INPP4B: variants seen among roughly 807,000 people sequenced by gnomAD.
The protein encoded by INPP4B is inositol polyphosphate 4-phosphatase type II.
Under a neutral mutation model 122.5 loss-of-function variants are expected in INPP4B, and 55 were observed. The observed-to-expected ratio is 0.45, with a 90% CI of 0.36 to 0.56. The LOEUF (loss-of-function observed/expected upper bound fraction) is 0.56, where lower values mean the gene tolerates loss of function less well. Among genes scored for constraint, INPP4B ranks in the 20% least tolerant of loss-of-function variants. The pLI is 0.00. For missense variants in INPP4B, 1,000 were observed against 1,097.7 expected (o/e 0.91, Z 1.26); for synonymous variants, 403 against 388.7 (o/e 1.04, Z -0.43).
chr4:142,585,610 G>A (rs1735988999), intron 2 of INPP4B, among the ~76,000 whole-genome samples: 1 of 152,098 alleles, frequency 6.6e-6, no homozygotes, highest in South Asian at 2.1e-4. Context: ...AACTGTTGGA[G>A]GAAGTCCAGC....
At chr4:142,588,138 A>C (rs545253581) in intron 2 of INPP4B, among the ~76,000 whole-genome samples, 24 of 152,064 alleles carry the variant, frequency 1.6e-4, no homozygotes, top group Middle Eastern at 6.8e-3. Flanking sequence ...AACTCTCAGC[A>C]GAGTAGTAAC....
intron 21 of INPP4B, among the ~76,000 whole-genome samples, chr4:142,119,108 G>A (rs1379357963): frequency 1.3e-5 from 2 of 152,086 alleles, no homozygotes; most frequent in Non-Finnish European, 2.9e-5. Context: ...ACCATCTCAA[G>A]CCAGTTAGAA....
intron 2 of INPP4B, among the ~76,000 whole-genome samples, chr4:142,652,829 C>A (rs913493903): frequency 2.0e-5 from 3 of 152,144 alleles, no homozygotes; most frequent in Non-Finnish European, 2.9e-5. Flanking sequence ...ATCAAGCTAC[C>A]AATGACTTTC....
intron 5 of INPP4B, among the ~76,000 whole-genome samples, chr4:142,407,002 A>G (rs547828527): frequency 2.6e-5 from 4 of 152,242 alleles, no homozygotes; most frequent in African/African-American, 7.2e-5. Context: ...ACCCACCGCC[A>G]CACCACGATT....
At chr4:142,374,481 G>A (rs1791096203) in intron 7 of INPP4B, among the ~76,000 whole-genome samples, 1 of 151,852 alleles carries the variant, frequency 6.6e-6, no homozygotes, top group South Asian at 2.1e-4. Flanking sequence ...TTTCCATATT[G>A]CAAATTTTTG....
At chr4:142,706,942 GAAAC>G (rs1316637920) in intron 2 of INPP4B, among the ~76,000 whole-genome samples, 1 of 152,140 alleles carries the variant, frequency 6.6e-6, no homozygotes, top group Non-Finnish European at 1.5e-5. Flanking sequence ...AAAATAACAG[GAAAC>G]AAACAAAACA....
At chr4:142,624,101 G>A (rs558027826) in intron 2 of INPP4B, among the ~76,000 whole-genome samples, 4 of 150,944 alleles carry the variant, frequency 2.6e-5, no homozygotes, top group Admixed American at 6.6e-5. Flanking sequence ...GGATGGCTGG[G>A]TCAAATGGTA....
chr4:142,215,892 CAAAAAAAAAAAAAAAAAAAAAAAAAAAA>C (rs200657873), intron 12 of INPP4B, among the ~76,000 whole-genome samples: 1,564 of 54,612 alleles, frequency 0.029, 39 homozygotes, highest in Middle Eastern at 0.057. Flanking sequence ...GACTCTGTCT[CAAAAAAAAAAAAAAAAAAAAAAAAAAAA>C]AAAAAAAAAA....
chr4:142,434,868 C>T (rs1810087866), intron 3 of INPP4B, among the ~76,000 whole-genome samples: 1 of 151,864 alleles, frequency 6.6e-6, no homozygotes, highest in African/African-American at 2.4e-5. Context: ...ACCTAAAATG[C>T]ACTACCAGAT....
At chr4:142,207,113 T>G (rs1413666865) in intron 14 of INPP4B, among the ~76,000 whole-genome samples, 1 of 152,170 alleles carries the variant, frequency 6.6e-6, no homozygotes, top group East Asian at 1.9e-4. Flanking sequence ...TCATCCATGT[T>G]GTCTCAAATG....
At chr4:142,190,211 T>TG (rs1835171366) in intron 15 of INPP4B, among the ~76,000 whole-genome samples, 1 of 147,442 alleles carries the variant, frequency 6.8e-6, no homozygotes, top group Non-Finnish European at 1.5e-5. Flanking sequence ...ATTTTTGTTT[T>TG]TTTTTTTTTG....
chr4:142,405,417 C>T (rs1397390663), intron 5 of INPP4B, 93 bp from the exon 6 acceptor site: 22 of 750,216 alleles, frequency 2.9e-5, no homozygotes, highest in East Asian at 2.1e-4. Context: ...TTAGCTACAG[C>T]ACTGAAGGAA....
At chr4:142,254,335 C>G (rs368851565) in intron 11 of INPP4B, among the ~76,000 whole-genome samples, 1 of 126,044 alleles carries the variant, frequency 7.9e-6, no homozygotes, top group African/African-American at 2.7e-5. Flanking sequence ...TCACCAGCAA[C>G]GGAACAAAGC....
chr4:142,425,613 A>G (rs1283284554), intron 5 of INPP4B, among the ~76,000 whole-genome samples: 1 of 151,898 alleles, frequency 6.6e-6, no homozygotes, highest in East Asian at 1.9e-4. Context: ...CTCAATATGA[A>G]CAATATCCAA....
chr4:142,467,359 T>C (rs1291447522), intron 2 of INPP4B, among the ~76,000 whole-genome samples: 1 of 152,186 alleles, frequency 6.6e-6, no homozygotes, highest in East Asian at 1.9e-4. Context: ...ATGTGGGACA[T>C]GAGGTCAAAG....
chr4:142,518,617 G>A (rs1215381459), intron 2 of INPP4B: 1 of 152,054 alleles, frequency 6.6e-6, no homozygotes, highest in Non-Finnish European at 1.5e-5. Context: ...AATATGATAT[G>A]CAGAAATGAG....
At chr4:142,421,796 T>C (rs1374894532) in intron 5 of INPP4B, among the ~76,000 whole-genome samples, 1 of 152,126 alleles carries the variant, frequency 6.6e-6, no homozygotes, top group Non-Finnish European at 1.5e-5. Flanking sequence ...CTGTTTTTGA[T>C]GCCATTGTTA....
At chr4:142,527,428 C>T (rs1827071051) in intron 2 of INPP4B, among the ~76,000 whole-genome samples, 1 of 152,056 alleles carries the variant, frequency 6.6e-6, no homozygotes, top group Admixed American at 6.6e-5. Flanking sequence ...ATGCAGAAAG[C>T]ATTAGCAGCA....
rs1737423427 is a variant in INPP4B, at chr4:142,027,661, T to C, written c.*1121A>G. On this transcript the variant is annotated 3_prime_UTR_variant, in exon 26 of 26. Coordinates refer to ENST00000262992, the MANE Select transcript of INPP4B (RefSeq NM_001101669.3). ...AATTCTGCAACTATCTCCTGAGTGA[T>C]TGGGGGTGATTAACCTTACCCATGT... is the stretch of plus-strand genomic sequence containing the variant. 1 of 152,216 alleles carries C rather than the reference T, an allele frequency of 6.6e-6. No homozygotes were observed. The highest frequency in any genetic ancestry group is 2.4e-5 in the African/African-American group (1 of 41,476). The allele number at this position is 152,216 out of a possible 1,614,324, so 9.4% of individuals were successfully genotyped here.
Sources: gnomAD v4.1 joint callset for allele counts (sites outside exome capture counted in the v4.1 genomes callset) on GRCh38, gnomAD v4.1.1 for gene constraint, MANE v1.5 for transcripts, NCBI Gene and HGNC (gene_info 2026-07-23, HGNC 2026-07-21) for gene names.